PTCHD1: variants seen among roughly 807,000 people sequenced by gnomAD.
The protein encoded by PTCHD1 is patched domain containing 1, also known as patched domain-containing protein 1.
Under a neutral mutation model 34.6 loss-of-function variants are expected in PTCHD1, and 3 were observed. The ratio of observed to expected loss-of-function variants is 0.09; its 90% CI spans 0.04 to 0.22. The LOEUF is 0.22. PTCHD1 is among the 10% of genes least tolerant of loss of function. The pLI is 1.00. For missense variants in PTCHD1, 504 were observed against 685.5 expected (o/e 0.74, Z 2.96); for synonymous variants, 305 against 283.1 (o/e 1.08, Z -0.77).
intron 1 of PTCHD1, among the ~76,000 whole-genome samples, chrX:23,345,850 T>C (rs941273778): frequency 1.8e-5 from 2 of 112,109 alleles, no homozygotes; most frequent in Admixed American, 9.4e-5. Context: ...ATAATAGCTC[T>C]TCTACAAAGG....
intron 1 of PTCHD1, among the ~76,000 whole-genome samples, chrX:23,375,440 C>T (rs1291821457): frequency 9.0e-6 from 1 of 111,707 alleles, no homozygotes; most frequent in Non-Finnish European, 1.9e-5. Flanking sequence ...CAGGCGCACA[C>T]ACCACCACGC....
Position 23,339,758 on chromosome X carries a change from C to CT in PTCHD1, c.351+4533dup, listed in dbSNP as rs1025901833. ...ATTTCAGCCTAGTTTTTAACGTAGA[C>CT]TGAGTTTTTACAGTTTTAAAAGATT... is the stretch of plus-strand genomic sequence containing the variant. On this transcript the variant is annotated intron_variant, in intron 1 of 2. Coordinates refer to ENST00000379361, the MANE Select transcript of PTCHD1 (RefSeq NM_173495.3). Among the ~76,000 whole-genome samples the CT allele has an allele frequency of 3.6e-5, 4 of 112,313 alleles. 1 individual carries two copies. In the Admixed American group the frequency reaches 3.8e-4, roughly 11 times the overall value.
intron 1 of PTCHD1, among the ~76,000 whole-genome samples, chrX:23,346,301 G>A (rs5925756): frequency 0.48 from 53,252 of 110,609 alleles, 12,167 homozygotes; most frequent in African/African-American, 0.87. Flanking sequence ...CCACTGAGAT[G>A]GTATAGGGAC....
At position 23,334,881 on chromosome X, in the gene PTCHD1, G is replaced by A; in HGVS notation, c.6G>A (p.Leu2=). 8.4e-7 allele frequency: 1 copy of A among 1,191,252 alleles called. No individual in the cohort carries two copies. Among genetic ancestry groups the A allele is most frequent in the East Asian group, 3.1e-5 (1 of 32,770 alleles). ...CGCGCCCGCTCTGCTCTAGGATGCT[G>A]CGGCAGGTTCTGCACAGGGGCTTGA... The part of the protein sequence containing the change: M[L]RQVLHRGLRT... The change falls in exon 1 of 3, where the codon CTG becomes CTA. Residue 2 remains leucine, a synonymous_variant. Coordinates refer to ENST00000379361, the MANE Select transcript of PTCHD1 (RefSeq NM_173495.3).
chrX:23,369,074 G>GA (rs1569137717), intron 1 of PTCHD1, among the ~76,000 whole-genome samples: 3 of 110,760 alleles, frequency 2.7e-5, no homozygotes, highest in South Asian at 7.7e-4. Flanking sequence ...TCTCAAAAAA[G>GA]AAAAAAAAGA....
chrX:23,393,840 A>G lies in PTCHD1; in HGVS notation c.2322A>G (p.Thr774=). ...ACAATTGTGCTCCAATGTTATCCAC[A>G]TTTGTTCTGGGCAAGGATTTCACAA... ...TIDNCAPMLS[T]FVLGKDFTRT... Residue 774 remains threonine, a synonymous_variant, in exon 3 of 3, where the codon ACA becomes ACG. Transcript: ENST00000379361. The G allele has an allele frequency of 8.3e-7, 1 of 1,211,482 alleles. No individual in the cohort carries two copies. The highest frequency in any genetic ancestry group is 1.1e-6 in the Non-Finnish European group (1 of 895,132).
At chrX:23,375,918 G>A (rs929930447) in intron 1 of PTCHD1, among the ~76,000 whole-genome samples, 2 of 111,986 alleles carry the variant, frequency 1.8e-5, no homozygotes, top group Non-Finnish European at 3.8e-5. Flanking sequence ...TGTGTTCAGA[G>A]CCTTAAAACT....
chrX:23,402,751 T>C lies in PTCHD1; in HGVS notation c.*8566T>C, dbSNP rs1923154390. ...AGGCCCAAACAAAAGAAATTTCAGC[T>C]TGGTTTTAGTAATTTCTTGATCAAA... On this transcript the variant is annotated 3_prime_UTR_variant, in exon 3 of 3. Coordinates refer to ENST00000379361, the MANE Select transcript of PTCHD1 (RefSeq NM_173495.3). 8.9e-6 allele frequency: 1 copy of C among 112,389 alleles called. No homozygotes were observed. Among genetic ancestry groups the C allele is most frequent in the Admixed American group, 9.4e-5 (1 of 10,607 alleles). 9.3% of individuals were successfully genotyped at this position (112,389 alleles called of 1,213,427 possible).
Position 23,334,992 on chromosome X carries a change from C to G in PTCHD1, c.117C>G (p.Leu39=), listed in dbSNP as rs774288630. 28 of 1,208,418 alleles carry G rather than the reference C, an allele frequency of 2.3e-5. No individual in the cohort carries two copies. The highest frequency in any genetic ancestry group is 2.7e-5 in the Non-Finnish European group (24 of 894,343). Residue 39 remains leucine (L), a synonymous_variant, in exon 1 of 3, where the codon CTC becomes CTG. Coordinates refer to ENST00000379361, the MANE Select transcript of PTCHD1 (RefSeq NM_173495.3). ...CGCCGGTGCTCATCTCCATCCTGCT[C>G]GGCGCCAGCTTCAGCCGCTACCAGG... ...ASAPVLISIL[L]GASFSRYQVE... is the part of the protein sequence containing the mutation.
In PTCHD1 at chrX:23,403,076, T is replaced by A. The variant is rs1233991663; in HGVS notation, c.*8891T>A. On this transcript the variant is annotated 3_prime_UTR_variant, in exon 3 of 3. Coordinates refer to ENST00000379361, the MANE Select transcript of PTCHD1 (RefSeq NM_173495.3). The stretch of plus-strand genomic sequence containing the variant: ...TTATTGTCATTGCTAGTGAAAGAAG[T>A]TCCTGAAATTGCATATTACATTGTA... 3 of 112,497 alleles carry A rather than the reference T, an allele frequency of 2.7e-5. No homozygotes were observed. The highest frequency in any genetic ancestry group is 5.6e-5 in the Non-Finnish European group (3 of 53,280). The allele number at this position is 112,497 out of a possible 1,213,427, so 9.3% of individuals were successfully genotyped here.
At chrX:23,380,877 C>T (rs979662208) in intron 2 of PTCHD1, among the ~76,000 whole-genome samples, 38 of 111,269 alleles carry the variant, frequency 3.4e-4, no homozygotes, top group African/African-American at 1.2e-3. Flanking sequence ...TAACTGCCAG[C>T]ACTTCCCAGG....
intron 1 of PTCHD1, among the ~76,000 whole-genome samples, chrX:23,355,508 T>G (rs1021260424): frequency 5.3e-5 from 6 of 113,090 alleles, no homozygotes; most frequent in Non-Finnish European, 1.1e-4. Flanking sequence ...AAGCACCTCA[T>G]AATATAAGCA....
intron 1 of PTCHD1, among the ~76,000 whole-genome samples, chrX:23,343,145 G>C (rs1472087494): frequency 8.9e-6 from 1 of 112,372 alleles, no homozygotes; most frequent in Non-Finnish European, 1.9e-5. Context: ...ATATAATTTT[G>C]CCTGGTAGCA....
intron 2 of PTCHD1, among the ~76,000 whole-genome samples, chrX:23,391,360 A>C (rs190061062): frequency 9.0e-6 from 1 of 111,039 alleles, no homozygotes; most frequent in Non-Finnish European, 1.9e-5. Flanking sequence ...TGAATAACCA[A>C]ATTGGTCAAA....
rs367570857 is a variant in PTCHD1, at chrX:23,392,074, C to CTTTCTTTTTTTTT, written c.1013-454_1013-453insCTTTTTTTTTTTT. ...TTCTTTCTTTTTTCTTTCTTTCTTT[C>CTTTCTTTTTTTTT]TTTTTTTTTTTTTTTTTGAGAGATG... On this transcript the variant is annotated intron_variant, in intron 2 of 2. Coordinates refer to ENST00000379361, the MANE Select transcript of PTCHD1 (RefSeq NM_173495.3). 3.9e-3 allele frequency among the ~76,000 whole-genome samples: 205 copies of CTTTCTTTTTTTTT among 52,342 alleles called. 14 individuals carry two copies. Among genetic ancestry groups the CTTTCTTTTTTTTT allele is most frequent in the African/African-American group, 0.024 (190 of 7,970 alleles). The allele number at this position is 52,342 out of a possible 115,157, so 45.5% of individuals were successfully genotyped here.
chrX:23,355,562 A>G (rs907729636), intron 1 of PTCHD1, among the ~76,000 whole-genome samples: 1 of 113,007 alleles, frequency 8.8e-6, no homozygotes, highest in African/African-American at 3.2e-5. Context: ...AGTGTGAGAT[A>G]GAAAACATTA....
chrX:23,381,156 G>A (rs1456379732), intron 2 of PTCHD1, among the ~76,000 whole-genome samples: 1 of 112,451 alleles, frequency 8.9e-6, no homozygotes, highest in Non-Finnish European at 1.9e-5. Flanking sequence ...TATGAACTCA[G>A]GAGAATATTT....
Position 23,357,171 on chromosome X carries a change from A to G in PTCHD1, c.351+21945A>G, listed in dbSNP as rs779015646. On this transcript the variant is annotated intron_variant, in intron 1 of 2. Coordinates refer to ENST00000379361, the MANE Select transcript of PTCHD1 (RefSeq NM_173495.3). Reference sequence around the variant, plus strand: ...TAGCTTACTGGTCTTGAAGTTAGATATTCTCCCACAGAACAGTAAGGAAAA... The same window carrying G: ...TAGCTTACTGGTCTTGAAGTTAGATGTTCTCCCACAGAACAGTAAGGAAAA... 2.2e-3 allele frequency among the ~76,000 whole-genome samples: 250 copies of G among 111,965 alleles called. 2 individuals carry two copies. The highest frequency in any genetic ancestry group is 4.3e-3 in the Admixed American group (45 of 10,561).
At chrX:23,346,895 T>C (rs1301120436) in intron 1 of PTCHD1, among the ~76,000 whole-genome samples, 1 of 112,225 alleles carries the variant, frequency 8.9e-6, no homozygotes, top group Non-Finnish European at 1.9e-5. Flanking sequence ...AGTTTTGTGT[T>C]TGAGGCTGTG....
Sources: gnomAD v4.1 joint callset for allele counts (sites outside exome capture counted in the v4.1 genomes callset) on GRCh38, gnomAD v4.1.1 for gene constraint, MANE v1.5 for transcripts, NCBI Gene and HGNC (gene_info 2026-07-23, HGNC 2026-07-21) for gene names.